Variants in PROS1 observed in about 807,000 individuals in gnomAD.
PROS1 encodes vitamin K-dependent protein S.
In PROS1, 29 loss-of-function variants were observed where a neutral mutation model predicts 75.9. That is an observed-to-expected ratio of 0.38 (90% confidence interval 0.28 to 0.52). The LOEUF is 0.52. Ranked by LOEUF, PROS1 falls within the 20% of genes least tolerant of loss-of-function variation. The pLI, the probability that PROS1 is intolerant of heterozygous loss-of-function variation, is 0.83. For missense variants in PROS1, 680 were observed against 810.3 expected, an observed-to-expected ratio of 0.84 and a Z score of 1.95; for synonymous variants, 245 against 280.6, an observed-to-expected ratio of 0.87 and a Z score of 1.27.
chr3:93,915,356 C>T (rs1708829205), intron 3 of PROS1, among the ~76,000 whole-genome samples: 1 of 152,042 alleles, frequency 6.6e-6, no homozygotes, highest in South Asian at 2.1e-4. Context: ...ATCCTAGCTA[C>T]TTGGGAGGCT....
intron 1 of PROS1, among the ~76,000 whole-genome samples, chr3:93,944,834 C>G (rs1445830948): frequency 6.6e-6 from 1 of 151,600 alleles, no homozygotes; most frequent in Admixed American, 6.6e-5. Context: ...GATAGAGACA[C>G]AAAAAACCCT....
chr3:93,902,005 G>GT (rs950602951), intron 6 of PROS1, among the ~76,000 whole-genome samples: 12 of 152,126 alleles, frequency 7.9e-5, no homozygotes, highest in Admixed American at 2.0e-4. Context: ...TCTCTACAAA[G>GT]TTTTTTTTCT....
chr3:93,905,959 T>A, intron 5 of PROS1, 44 bp from the exon 6 acceptor site: 1 of 1,613,206 alleles, frequency 6.2e-7, no homozygotes, highest in Non-Finnish European at 8.5e-7. Flanking sequence ...TAATATAACC[T>A]GCAGAGAACT....
chr3:93,966,648 G>A (rs1180850341), intron 1 of PROS1, among the ~76,000 whole-genome samples: 1 of 152,122 alleles, frequency 6.6e-6, no homozygotes, highest in Admixed American at 6.5e-5. Flanking sequence ...GGAGGCCAAG[G>A]CGGGTGGATC....
chr3:93,914,558 G>A (rs1424736305), intron 3 of PROS1, among the ~76,000 whole-genome samples: 2 of 152,302 alleles, frequency 1.3e-5, no homozygotes, highest in African/African-American at 2.4e-5. Context: ...ACTGCATCAA[G>A]GTCTTGCTCT....
At chr3:93,875,596 CTAA>C (rs990314673) in intron 14 of PROS1, among the ~76,000 whole-genome samples, 1 of 151,922 alleles carries the variant, frequency 6.6e-6, no homozygotes, top group African/African-American at 2.4e-5. Flanking sequence ...ATTTTACTCC[CTAA>C]TAATTAGGCA....
intron 12 of PROS1, 109 bp downstream of exon 12, chr3:93,884,618 TG>T (rs1412948045): frequency 1.3e-5 from 16 of 1,239,498 alleles, no homozygotes; most frequent in Admixed American, 2.0e-5. Flanking sequence ...AAGACTAGAG[TG>T]GGCACACAGT....
chr3:93,906,411 A>G (rs1708676407), intron 4 of PROS1, among the ~76,000 whole-genome samples: 1 of 152,236 alleles, frequency 6.6e-6, no homozygotes, highest in South Asian at 2.1e-4. Flanking sequence ...GATGTGGGCC[A>G]GGGCCTCCCA....
intron 14 of PROS1, among the ~76,000 whole-genome samples, chr3:93,874,792 C>T (rs1207649245): frequency 6.6e-6 from 1 of 152,080 alleles, no homozygotes; most frequent in Non-Finnish European, 1.5e-5. Flanking sequence ...CAAATTATAG[C>T]TACTTGGGAA....
chr3:93,963,613 C>G (rs1318057703), intron 1 of PROS1, among the ~76,000 whole-genome samples: 1 of 152,186 alleles, frequency 6.6e-6, no homozygotes, highest in Non-Finnish European at 1.5e-5. Context: ...AGCATCTACT[C>G]CTGGTGAGGG....
chr3:93,961,201 C>T (rs1709701537), intron 1 of PROS1, among the ~76,000 whole-genome samples: 1 of 151,966 alleles, frequency 6.6e-6, no homozygotes. Flanking sequence ...GTGAAAAGGC[C>T]ATAGGGGAGA....
intron 1 of PROS1, among the ~76,000 whole-genome samples, chr3:93,954,082 A>C (rs1035535212): frequency 2.6e-5 from 4 of 152,146 alleles, no homozygotes; most frequent in African/African-American, 9.7e-5. Flanking sequence ...GAGGACACAC[A>C]AAAAAATGGA....
chr3:93,931,422 C>A (rs888744696), intron 1 of PROS1, among the ~76,000 whole-genome samples: 1 of 152,118 alleles, frequency 6.6e-6, no homozygotes, highest in Non-Finnish European at 1.5e-5. Context: ...TAATAAAAGA[C>A]ATAGTAATTA....
chr3:93,957,955 G>C lies in PROS1; in HGVS notation c.76+15719C>G, dbSNP rs1260272051. On this transcript the variant is annotated intron_variant, in intron 1 of 14. Transcript: ENST00000394236. ...ATACAGAACTTAGCTGGGCACAGTG[G>C]TGCATGCCTGTAGTCCCAGCTACTC... Among the ~76,000 whole-genome samples the C allele has an allele frequency of 2.0e-5, 3 of 152,020 alleles. 1 individual carries two copies. In the East Asian group the frequency reaches 5.8e-4, roughly 29 times the overall value.
intron 1 of PROS1, among the ~76,000 whole-genome samples, chr3:93,960,176 C>CTT (rs997640046): frequency 1.1e-4 from 15 of 138,992 alleles, no homozygotes; most frequent in South Asian, 4.5e-4. Context: ...GCGTTTGTCA[C>CTT]TTTTTTTTTT....
In PROS1 at chr3:93,919,419, A is replaced by ATT. The variant is rs62749160; in HGVS notation, c.259+4819_259+4820dup. 7.2e-3 allele frequency among the ~76,000 whole-genome samples: 1,028 copies of ATT among 143,758 alleles called. 13 individuals carry two copies. The highest frequency in any genetic ancestry group is 0.016 in the Admixed American group (226 of 14,504). 94.3% of individuals were successfully genotyped at this position (143,758 alleles called of 152,430 possible). ...GTTTTCTTCTTTGAAAATTTTCCCT[A>ATT]TTTTTTTTTTTTACCATTTTTCTAT... On this transcript the variant is annotated intron_variant, in intron 3 of 14. Transcript: ENST00000394236.
At chr3:93,966,803 C>T (rs1288359115) in intron 1 of PROS1, among the ~76,000 whole-genome samples, 1 of 144,284 alleles carries the variant, frequency 6.9e-6, no homozygotes, top group African/African-American at 2.6e-5. Context: ...GAGCAAGACT[C>T]TGTTCCAAAA....
chr3:93,919,526 AT>A (rs1169405854), intron 3 of PROS1, among the ~76,000 whole-genome samples: 1 of 150,980 alleles, frequency 6.6e-6, no homozygotes, highest in East Asian at 1.9e-4. Context: ...TATTTTTGAT[AT>A]TTATTTGACA....
intron 1 of PROS1, among the ~76,000 whole-genome samples, chr3:93,951,582 G>A (rs1368117310): frequency 6.6e-6 from 1 of 152,134 alleles, no homozygotes; most frequent in South Asian, 2.1e-4. Context: ...CCTTACAAGA[G>A]CTCCTGAGGG....
Sources: allele counts gnomAD v4.1 joint callset (sites outside exome capture counted in the v4.1 genomes callset), GRCh38; gene constraint gnomAD v4.1.1; transcripts MANE v1.5; gene names NCBI Gene and HGNC (gene_info 2026-07-23, HGNC 2026-07-21).